KLF8: variants seen among roughly 807,000 people sequenced by gnomAD.
The protein encoded by KLF8 is Krueppel-like factor 8.
KLF8 carries 10 observed loss-of-function variants against 18.2 expected under a neutral mutation model. The observed-to-expected ratio is 0.55, with a 90% CI of 0.34 to 0.93. The LOEUF is 0.93. Ranked by LOEUF, KLF8 falls within the 40% of genes least tolerant of loss-of-function variation. The pLI is 0.02. For synonymous variants in KLF8, 109 were observed against 97.3 expected (o/e 1.12, Z -0.71); for missense variants, 264 against 277.9 (o/e 0.95, Z 0.36).
chrX:56,046,209 G>T, the KLF8 span, among the ~76,000 whole-genome samples: 63 of 111,754 alleles, frequency 5.6e-4, 1 homozygote, highest in African/African-American at 2.0e-3. Context: ...CTTGATCATG[G>T]TGGATTATAT....
the KLF8 span, among the ~76,000 whole-genome samples, chrX:56,187,641 C>T: frequency 4.5e-5 from 5 of 111,036 alleles, no homozygotes; most frequent in African/African-American, 1.6e-4. Flanking sequence ...ACTGGCAAAC[C>T]GAGTCCAGCA....
chrX:56,254,363 C>G (rs2066759129), intron 2 of KLF8, among the ~76,000 whole-genome samples: 1 of 111,300 alleles, frequency 9.0e-6, no homozygotes, highest in Admixed American at 9.5e-5. Context: ...CCTTTGGGCA[C>G]CGGCAGGAGC....
At chrX:56,027,951 ATATT>A in the KLF8 span, among the ~76,000 whole-genome samples, 3 of 112,494 alleles carry the variant, frequency 2.7e-5, no homozygotes, top group African/African-American at 9.7e-5. Context: ...GGGGGCCTTT[ATATT>A]TAAGTTTTGC....
At chrX:55,976,590 C>CACACACA in the KLF8 span, among the ~76,000 whole-genome samples, 8 of 229 alleles carry the variant, frequency 0.035, no homozygotes, top group South Asian at 0.5. Flanking sequence ...ACACACACAC[C>CACACACA]CCATGTTTTC....
chrX:56,284,368 A>G lies in KLF8; in HGVS notation c.954A>G (p.Ser318=). 2 of 1,203,435 alleles carry G rather than the reference A, an allele frequency of 1.7e-6. No homozygotes were observed. The highest frequency in any genetic ancestry group is 1.8e-5 in the South Asian group (1 of 55,144). ...WDGCSWKFAR[S]DELTRHFRKH... ...GCTGCTCCTGGAAATTTGCTCGCTC[A>G]GATGAGCTCACTCGCCATTTCCGCA... The change falls in exon 6 of 6, where the codon TCA becomes TCG. Residue 318 remains serine (S), a synonymous_variant. Transcript: ENST00000468660.
At chrX:56,107,263 A>G in the KLF8 span, among the ~76,000 whole-genome samples, 1 of 112,296 alleles carries the variant, frequency 8.9e-6, no homozygotes, top group African/African-American at 3.2e-5. Context: ...GCTGTCAGAC[A>G]GGGACATTTA....
chrX:56,139,744 A>G, the KLF8 span, among the ~76,000 whole-genome samples: 2 of 111,992 alleles, frequency 1.8e-5, no homozygotes, highest in Admixed American at 1.9e-4. Context: ...AAGATTCCAA[A>G]AACAATACCA....
At chrX:55,969,596 C>T in the KLF8 span, among the ~76,000 whole-genome samples, 332 of 110,603 alleles carry the variant, frequency 3.0e-3, 2 homozygotes, top group Middle Eastern at 4.6e-3. Flanking sequence ...TAACAAAGAG[C>T]GGAAATACAT....
At chrX:55,976,908 G>C in the KLF8 span, among the ~76,000 whole-genome samples, 2 of 111,441 alleles carry the variant, frequency 1.8e-5, no homozygotes, top group Non-Finnish European at 3.8e-5. Flanking sequence ...AATTCTTAAT[G>C]TCTCTTTCAG....
At chrX:56,222,962 G>A in the KLF8 span, among the ~76,000 whole-genome samples, 2 of 112,937 alleles carry the variant, frequency 1.8e-5, no homozygotes, top group Admixed American at 9.2e-5. Context: ...GGCTGAGGGA[G>A]CTGGCTCTGG....
chrX:55,993,950 G>A, the KLF8 span, among the ~76,000 whole-genome samples: 34 of 98,636 alleles, frequency 3.4e-4, no homozygotes, highest in African/African-American at 1.1e-3. Context: ...TTGCTCTGTT[G>A]CCCAGGCTGG....
the KLF8 span, among the ~76,000 whole-genome samples, chrX:56,195,728 A>C: frequency 8.9e-6 from 1 of 111,802 alleles, no homozygotes; most frequent in Non-Finnish European, 1.9e-5. Context: ...GGAAACAGAG[A>C]GAACACCACA....
At chrX:56,159,469 C>A in the KLF8 span, among the ~76,000 whole-genome samples, 1 of 112,656 alleles carries the variant, frequency 8.9e-6, no homozygotes, top group East Asian at 2.8e-4. Context: ...ATGGTACTAG[C>A]TCCTCCTTGT....
the KLF8 span, among the ~76,000 whole-genome samples, chrX:56,189,752 C>T: frequency 9.3e-6 from 1 of 107,213 alleles, no homozygotes; most frequent in African/African-American, 3.4e-5. Context: ...TCATCGTTCT[C>T]AGTAAACTAT....
chrX:56,069,207 C>G, the KLF8 span, among the ~76,000 whole-genome samples: 1 of 111,950 alleles, frequency 8.9e-6, no homozygotes, highest in African/African-American at 3.2e-5. Flanking sequence ...GGGAACTCAG[C>G]TGGAGTGTGC....
At chrX:56,153,486 C>A in the KLF8 span, among the ~76,000 whole-genome samples, 2 of 111,603 alleles carry the variant, frequency 1.8e-5, no homozygotes, top group Admixed American at 9.6e-5. Flanking sequence ...TTGGCTCAAA[C>A]ATATGAAGAA....
At chrX:56,159,582 T>G in the KLF8 span, among the ~76,000 whole-genome samples, 1 of 112,519 alleles carries the variant, frequency 8.9e-6, no homozygotes, top group Non-Finnish European at 1.9e-5. Context: ...ATTGGTCCAT[T>G]CAGAGATTCA....
At chrX:55,985,639 G>GT in the KLF8 span, among the ~76,000 whole-genome samples, 157 of 58,894 alleles carry the variant, frequency 2.7e-3, no homozygotes, top group African/African-American at 6.5e-3. Flanking sequence ...AATTTTAAAA[G>GT]GTTTTTTTTT....
the KLF8 span, among the ~76,000 whole-genome samples, chrX:55,960,615 AAGG>A: frequency 1.8e-5 from 2 of 109,143 alleles, no homozygotes; most frequent in African/African-American, 3.3e-5. Flanking sequence ...AAAAAAGAAG[AAGG>A]AGAAGGAGAA....
Sources: allele counts gnomAD v4.1 joint callset (sites outside exome capture counted in the v4.1 genomes callset), GRCh38; gene constraint gnomAD v4.1.1; transcripts MANE v1.5; gene names NCBI Gene and HGNC (gene_info 2026-07-23, HGNC 2026-07-21).